RUBCN: variants seen among roughly 807,000 people sequenced by gnomAD.
The protein encoded by RUBCN is run domain Beclin-1-interacting and cysteine-rich domain-containing protein.
Under a neutral mutation model 113.2 loss-of-function variants are expected in RUBCN, and 74 were observed. The observed-to-expected ratio is 0.65, with a 90% CI of 0.54 to 0.79. The LOEUF (loss-of-function observed/expected upper bound fraction) is 0.79, where lower values mean the gene tolerates loss of function less well. Ranked by LOEUF, RUBCN falls within the 30% of genes least tolerant of loss-of-function variation. RUBCN has a pLI of 0.00. For synonymous variants in RUBCN, 480 were observed against 490.0 expected (o/e 0.98, Z 0.27); for missense variants, 1,109 against 1,251.7 (o/e 0.89, Z 1.72).
At chr3:197,678,420 CTCG>C (rs2108838593) in intron 16 of RUBCN, among the ~76,000 whole-genome samples, 1 of 151,642 alleles carries the variant, frequency 6.6e-6, no homozygotes, top group African/African-American at 2.4e-5. Flanking sequence ...TACGCTCTAA[CTCG>C]TCAACTGGCT....
chr3:197,736,685 CCT>C lies in RUBCN; in HGVS notation c.33_34del (p.Gly12ArgfsTer7), dbSNP rs1358075813. The C allele has an allele frequency of 6.5e-7, 1 of 1,532,170 alleles. No homozygotes were observed. The highest frequency in any genetic ancestry group is 2.0e-5 in the Admixed American group (1 of 50,970). The allele number at this position is 1,532,170 out of a possible 1,614,324, so 94.9% of individuals were successfully genotyped here. Reference sequence around the variant, plus strand: ...CTCCTCAGGCAGGCGCTCCTCGCCGCCTCCGAGCTCCATTCCCGCGCCCTCCG... The same window carrying C: ...CTCCTCAGGCAGGCGCTCCTCGCCGCCCGAGCTCCATTCCCGCGCCCTCCG... On this transcript the variant is annotated frameshift_variant, in exon 1 of 20. Transcript: ENST00000296343. LOFTEE classifies it high-confidence loss of function.
upstream of RUBCN, among the ~76,000 whole-genome samples, chr3:197,737,998 C>T (rs1728317261): frequency 6.6e-6 from 1 of 152,196 alleles, no homozygotes; most frequent in Non-Finnish European, 1.5e-5. Context: ...AAGCAGTCCT[C>T]CTTCCTCAGC....
chr3:197,735,773 T>C (rs1009930760), intron 1 of RUBCN, among the ~76,000 whole-genome samples: 1 of 152,160 alleles, frequency 6.6e-6, no homozygotes, highest in East Asian at 1.9e-4. Flanking sequence ...TGTATTTTTG[T>C]AGAGACGGGG....
chr3:197,681,815 T>A lies in RUBCN; in HGVS notation c.2191+20A>T, dbSNP rs752721024. 12 of 1,609,724 alleles carry A rather than the reference T, an allele frequency of 7.5e-6. No homozygotes were observed. The highest frequency in any genetic ancestry group is 1.7e-5 in the Admixed American group (1 of 59,962). ...TACAGAGCCTCTGGAGGCAGCATGGTGGGAAGGGAAGGCACTCACCAGGGT... is the reference window on the plus strand; with the variant it reads ...TACAGAGCCTCTGGAGGCAGCATGGAGGGAAGGGAAGGCACTCACCAGGGT... On this transcript the variant is annotated intron_variant, in intron 15 of 19. Coordinates refer to ENST00000296343, the MANE Select transcript of RUBCN (RefSeq NM_014687.4). The surrounding 1 kb of genome is among the most constrained non-coding windows in gnomAD (Gnocchi z 5.5).
chr3:197,702,052 C>G (rs898942587), intron 5 of RUBCN, among the ~76,000 whole-genome samples, 188 bp from the exon 6 acceptor site: 4 of 152,226 alleles, frequency 2.6e-5, no homozygotes, highest in African/African-American at 9.6e-5. Flanking sequence ...TGTGAAACCA[C>G]AGCATCTGCA....
In RUBCN at chr3:197,670,740, C is replaced by T. The variant is rs546440284; in HGVS notation, c.*4278G>A. On this transcript the variant is annotated 3_prime_UTR_variant, in exon 20 of 20. Coordinates refer to ENST00000296343, the MANE Select transcript of RUBCN (RefSeq NM_014687.4). ...TTTTTAAATATGTAGGGTGTGTTTACAGCATATAAATATCATCTTATCTCC... is the reference window on the plus strand; with the variant it reads ...TTTTTAAATATGTAGGGTGTGTTTATAGCATATAAATATCATCTTATCTCC... Among the ~76,000 whole-genome samples, 2 of 152,334 alleles carry T rather than the reference C, an allele frequency of 1.3e-5. No homozygotes were observed. Among genetic ancestry groups the T allele is most frequent in the East Asian group, 1.9e-4 (1 of 5,188 alleles).
intron 1 of RUBCN, among the ~76,000 whole-genome samples, chr3:197,743,571 T>C (rs1308219752): frequency 6.6e-6 from 1 of 152,168 alleles, no homozygotes; most frequent in African/African-American, 2.4e-5. Flanking sequence ...AAAGAAAAGC[T>C]ACTGCAGCAG....
intron 9 of RUBCN, among the ~76,000 whole-genome samples, chr3:197,695,034 G>C (rs1270028505): frequency 6.6e-6 from 1 of 152,258 alleles, no homozygotes; most frequent in Non-Finnish European, 1.5e-5. Context: ...AGAGTCAAGG[G>C]AACCGCAATC....
In RUBCN at chr3:197,672,255, CTA is replaced by C. The variant is rs751505854; in HGVS notation, c.*2761_*2762del. 7.2e-5 allele frequency: 11 copies of C among 152,206 alleles called. No individual in the cohort carries two copies. The highest frequency in any genetic ancestry group is 1.0e-4 in the Non-Finnish European group (7 of 68,032). The allele number at this position is 152,206 out of a possible 1,614,324, so 9.4% of individuals were successfully genotyped here. A position where few individuals can be genotyped will look rare whatever the true frequency, so the allele number is the denominator to read the frequency against. ...ATCTTGTCTCCACCTGGTAAGCAAA[CTA>C]TGTTTTTTTTCTTTCCCTTTACTTA... is the stretch of plus-strand genomic sequence containing the variant. On this transcript the variant is annotated 3_prime_UTR_variant, in exon 20 of 20. Coordinates refer to ENST00000296343, the MANE Select transcript of RUBCN (RefSeq NM_014687.4).
chr3:197,669,062 G>A lies in RUBCN; in HGVS notation c.*5956C>T, dbSNP rs948393880. Reference sequence around the variant, plus strand: ...TGATGTACATATGCTTTTTATATAGGTAAACTTCTTAATCTGGAATAATTT... The same window carrying A: ...TGATGTACATATGCTTTTTATATAGATAAACTTCTTAATCTGGAATAATTT... On this transcript the variant is annotated 3_prime_UTR_variant, in exon 20 of 20. Coordinates refer to ENST00000296343, the MANE Select transcript of RUBCN (RefSeq NM_014687.4). Among the ~76,000 whole-genome samples, 2 of 152,018 alleles carry A rather than the reference G, an allele frequency of 1.3e-5. No individual in the cohort carries two copies. Among genetic ancestry groups the A allele is most frequent in the Non-Finnish European group, 2.9e-5 (2 of 68,008 alleles).
In RUBCN at chr3:197,684,103, C is replaced by T. The variant is rs897037496; in HGVS notation, c.1847+54G>A. The T allele has an allele frequency of 2.1e-5, 29 of 1,400,182 alleles. No homozygotes were observed. In the African/African-American group the frequency reaches 2.1e-4, roughly 10 times the overall value. The allele number at this position is 1,400,182 out of a possible 1,614,324, so 86.7% of individuals were successfully genotyped here. A position where few individuals can be genotyped will look rare whatever the true frequency, so the allele number is the denominator to read the frequency against. ...CATACACCAAGAACTGGGTTTGTTT[C>T]TCTACATATCCTAAGGTTTTCTTTT... On this transcript the variant is annotated intron_variant, in intron 12 of 19. Coordinates refer to ENST00000296343, the MANE Select transcript of RUBCN (RefSeq NM_014687.4).
At chr3:197,709,284 T>C (rs1362556283) in intron 2 of RUBCN, among the ~76,000 whole-genome samples, 1 of 152,188 alleles carries the variant, frequency 6.6e-6, no homozygotes, top group African/African-American at 2.4e-5. Context: ...AACAAATGTT[T>C]GCATGTTGAG....
At chr3:197,696,923 C>T (rs1723073086) in intron 8 of RUBCN, 31 bp downstream of exon 8, 4 of 1,205,040 alleles carry the variant, frequency 3.3e-6, no homozygotes, top group East Asian at 2.3e-5. Flanking sequence ...AGAAAATATA[C>T]AATTTTAGCC....
intron 11 of RUBCN, among the ~76,000 whole-genome samples, chr3:197,686,249 CT>C (rs72044157): frequency 0.051 from 7,640 of 149,372 alleles, 618 homozygotes; most frequent in African/African-American, 0.18. Flanking sequence ...GAGAAGAAAC[CT>C]TTTTTTTTTC....
chr3:197,699,952 G>C (rs559644232), intron 7 of RUBCN, among the ~76,000 whole-genome samples: 92 of 152,198 alleles, frequency 6.0e-4, no homozygotes, highest in African/African-American at 2.1e-3. Context: ...AAAGCCTGCC[G>C]GATACCACAA....
At chr3:197,732,757 C>A (rs1560474423) in intron 1 of RUBCN, among the ~76,000 whole-genome samples, 1 of 152,198 alleles carries the variant, frequency 6.6e-6, no homozygotes, top group Non-Finnish European at 1.5e-5. Context: ...CACCTAAGCA[C>A]ACTACCGGGG....
At chr3:197,715,146 G>GTTA (rs1580320688) in intron 2 of RUBCN, among the ~76,000 whole-genome samples, 2 of 151,946 alleles carry the variant, frequency 1.3e-5, no homozygotes, top group East Asian at 3.9e-4. Context: ...AAAACTGGCT[G>GTTA]GGCGTGGTGG....
At position 197,684,217 on chromosome 3, in the gene RUBCN, T is replaced by A. The variant is rs1721581309; in HGVS notation, c.1787A>T (p.Asp596Val). ...GGCTGTGTTCCTTCTGATGTCAGCA[T>A]CTACATGGAAACCAGAGATAAGGGG... Reference protein sequence around the residue: ...ADEVDEFEIQDADIRRNTASS... With the variant: ...ADEVDEFEIQVADIRRNTASS... Residue 596 changes from aspartate to valine, a missense_variant and splice_region_variant, in exon 12 of 20, where the codon GAT (aspartate) becomes GTT (valine). Asp to Val is a radical substitution (Grantham distance 152). Around this residue, in one of 3 missense-constraint regions of RUBCN, gnomAD observed 736 missense variants for 779.6 expected, o/e 0.94. Coordinates refer to ENST00000296343, the MANE Select transcript of RUBCN (RefSeq NM_014687.4). 1 of 1,613,358 alleles carries A rather than the reference T, an allele frequency of 6.2e-7. No individual in the cohort carries two copies. The highest frequency in any genetic ancestry group is 1.3e-5 in the African/African-American group (1 of 75,006).
intron 2 of RUBCN, among the ~76,000 whole-genome samples, chr3:197,717,461 G>C (rs1169384986): frequency 4.6e-5 from 7 of 152,070 alleles, no homozygotes; most frequent in South Asian, 2.1e-4. Flanking sequence ...AAAAGGGGGG[G>C]GCAGAGAGAG....
Sources: allele counts gnomAD v4.1 joint callset (sites outside exome capture counted in the v4.1 genomes callset), GRCh38; gene constraint gnomAD v4.1.1; regional missense constraint gnomAD v4.1.1; non-coding constraint Gnocchi (gnomAD v3.1); transcripts MANE v1.5; gene names NCBI Gene and HGNC (gene_info 2026-07-23, HGNC 2026-07-21).